PHEX: variants seen among roughly 807,000 people sequenced by gnomAD.
PHEX encodes phosphate-regulating neutral endopeptidase PHEX.
In PHEX, 16 loss-of-function variants were observed where a neutral mutation model predicts 68.0. The observed-to-expected ratio is 0.24, with a 90% CI of 0.16 to 0.36. PHEX has a LOEUF of 0.36. Among genes scored for constraint, PHEX ranks in the 10% least tolerant of loss-of-function variants. PHEX has a pLI of 1.00. For synonymous variants in PHEX, 208 were observed against 205.1 expected (o/e 1.01, Z -0.12); for missense variants, 480 against 575.5 (o/e 0.83, Z 1.70).
intron 18 of PHEX, among the ~76,000 whole-genome samples, chrX:22,224,528 T>C (rs772388525): frequency 7.2e-5 from 8 of 111,378 alleles, no homozygotes; most frequent in Non-Finnish European, 1.3e-4. Context: ...TAAGCTAAGG[T>C]TGATCTGAGC....
At chrX:22,043,527 G>T (rs1376426571) in intron 2 of PHEX, among the ~76,000 whole-genome samples, 1 of 111,938 alleles carries the variant, frequency 8.9e-6, no homozygotes, top group African/African-American at 3.3e-5. Flanking sequence ...CTTAGCTGCT[G>T]CATGGTGTTT....
chrX:22,072,326 GC>G (rs1490498183), intron 3 of PHEX, among the ~76,000 whole-genome samples: 1 of 111,364 alleles, frequency 9.0e-6, no homozygotes, highest in African/African-American at 3.3e-5. Context: ...TAGGAGAATC[GC>G]GTGAACCTGG....
At chrX:22,208,866 G>A (rs1460867227) in intron 15 of PHEX, among the ~76,000 whole-genome samples, 3 of 112,102 alleles carry the variant, frequency 2.7e-5, no homozygotes, top group African/African-American at 6.5e-5. Context: ...AGGCCTCGGG[G>A]CTTTTGAGAA....
chrX:22,037,183 G>A (rs1384760493), intron 1 of PHEX, among the ~76,000 whole-genome samples: 1 of 110,840 alleles, frequency 9.0e-6, no homozygotes, highest in Non-Finnish European at 1.9e-5. Context: ...ATGCAAAGAG[G>A]CTGTTTGGAG....
At chrX:22,118,281 G>A (rs933240167) in intron 11 of PHEX, among the ~76,000 whole-genome samples, 1 of 93,833 alleles carries the variant, frequency 1.1e-5, no homozygotes, top group Non-Finnish European at 2.0e-5. Context: ...GCTGCTGGTC[G>A]TGGACCACAC....
intron 12 of PHEX, among the ~76,000 whole-genome samples, chrX:22,153,396 G>A (rs999377246): frequency 3.6e-5 from 4 of 112,082 alleles, no homozygotes; most frequent in East Asian, 2.8e-4. Flanking sequence ...CAGAATTCAC[G>A]CTGTTGTTCA....
intron 20 of PHEX, among the ~76,000 whole-genome samples, chrX:22,232,485 G>GCTCTT (rs1426141671): frequency 9.2e-6 from 1 of 108,663 alleles, no homozygotes; most frequent in Non-Finnish European, 1.9e-5. Context: ...AGGATAGTTA[G>GCTCTT]CTCTTCTTGT....
rs748979877 is a variant in PHEX at position 22,100,899 on chromosome X, C to T, written c.1079+1748C>T. ...AATAAGGACAAAAATTGGCCAGGCG[C>T]GGTGGCTCACACCTGTAATCCCAGC... On this transcript the variant is annotated intron_variant, in intron 9 of 21. Transcript: ENST00000379374. 1.1e-3 allele frequency among the ~76,000 whole-genome samples: 119 copies of T among 111,627 alleles called. 1 individual carries two copies. The highest frequency in any genetic ancestry group is 3.6e-3 in the African/African-American group (110 of 30,697).
chrX:22,215,163 T>A (rs1935047151), intron 16 of PHEX, among the ~76,000 whole-genome samples: 1 of 111,619 alleles, frequency 9.0e-6, no homozygotes, highest in South Asian at 3.7e-4. Context: ...TCTGTGAGCA[T>A]GTTAGTGTCT....
At chrX:22,098,093 G>GTT (rs879094593) in intron 8 of PHEX, 1,487 of 89,514 alleles carry the variant, frequency 0.017, 39 homozygotes, top group African/African-American at 0.057. Flanking sequence ...TTCCTCTTGT[G>GTT]TTTTTTTTTT....
At chrX:22,211,907 C>T (rs1934938108) in intron 15 of PHEX, among the ~76,000 whole-genome samples, 1 of 111,869 alleles carries the variant, frequency 8.9e-6, no homozygotes, top group African/African-American at 3.3e-5. Context: ...TCTCATGAGA[C>T]TTATTCACTA....
At chrX:22,078,978 A>G (rs1278958290) in intron 5 of PHEX, among the ~76,000 whole-genome samples, 3 of 112,238 alleles carry the variant, frequency 2.7e-5, no homozygotes, top group Non-Finnish European at 3.8e-5. Context: ...GTAAGACACA[A>G]TGATGATGAC....
chrX:22,079,714 A>G (rs758342595), intron 5 of PHEX, among the ~76,000 whole-genome samples: 1 of 111,695 alleles, frequency 9.0e-6, no homozygotes, highest in Non-Finnish European at 1.9e-5. Flanking sequence ...TTTTTAAACC[A>G]CATTTATTTG....
At chrX:22,152,628 A>C (rs1270976074) in intron 12 of PHEX, among the ~76,000 whole-genome samples, 1 of 112,281 alleles carries the variant, frequency 8.9e-6, no homozygotes, top group Non-Finnish European at 1.9e-5. Context: ...TGAGTGGAAG[A>C]AGCCAGATAC....
chrX:22,042,347 C>T (rs976162733), intron 2 of PHEX, among the ~76,000 whole-genome samples: 2 of 112,189 alleles, frequency 1.8e-5, no homozygotes, highest in Non-Finnish European at 3.8e-5. Context: ...TAAGGGCAGA[C>T]AGGCTGACTG....
intron 9 of PHEX, chrX:22,099,495 A>C: frequency 5.3e-6 from 1 of 190,156 alleles, no homozygotes; most frequent in Non-Finnish European, 9.4e-6. Flanking sequence ...GTTCATTCTC[A>C]ATCTTTTGCT....
intron 11 of PHEX, among the ~76,000 whole-genome samples, chrX:22,124,431 A>G (rs1931631993): frequency 8.9e-6 from 1 of 111,789 alleles, no homozygotes; most frequent in African/African-American, 3.3e-5. Context: ...ACATATTATC[A>G]GCCACAGTCT....
intron 12 of PHEX, among the ~76,000 whole-genome samples, chrX:22,150,171 C>T (rs1180334521): frequency 9.0e-6 from 1 of 111,711 alleles, no homozygotes; most frequent in African/African-American, 3.3e-5. Flanking sequence ...TTAGGTGATT[C>T]GAATGAGCAG....
chrX:22,176,112 C>T (rs1477494348), intron 13 of PHEX, among the ~76,000 whole-genome samples: 2 of 111,004 alleles, frequency 1.8e-5, no homozygotes, highest in Non-Finnish European at 1.9e-5. Context: ...TTTTGGCCAG[C>T]GCGGTGGCCC....
Sources: gnomAD v4.1 joint callset for allele counts (sites outside exome capture counted in the v4.1 genomes callset) on GRCh38, gnomAD v4.1.1 for gene constraint, MANE v1.5 for transcripts, NCBI Gene and HGNC (gene_info 2026-07-23, HGNC 2026-07-21) for gene names.